ANKRD26: variants seen among roughly 807,000 people sequenced by gnomAD.
The protein encoded by ANKRD26 is ankyrin repeat domain-containing protein 26.
In ANKRD26, 141 loss-of-function variants were observed where a neutral mutation model predicts 208.7. That is an observed-to-expected ratio of 0.68 (90% CI 0.59 to 0.78). ANKRD26 has a LOEUF of 0.78. Among genes scored for constraint, ANKRD26 ranks in the 30% least tolerant of loss-of-function variants. ANKRD26 has a pLI of 0.00. For synonymous variants in ANKRD26, 636 were observed against 660.4 expected (o/e 0.96, Z 0.57); for missense variants, 1,889 against 1,938.7 (o/e 0.97, Z 0.48).
At chr10:27,099,045 C>CAA (rs1417115540) in intron 1 of ANKRD26, among the ~76,000 whole-genome samples, 3 of 152,042 alleles carry the variant, frequency 2.0e-5, no homozygotes, top group African/African-American at 7.2e-5. Flanking sequence ...GGCTGGAGTG[C>CAA]AATGGCACGA....
intron 11 of ANKRD26, among the ~76,000 whole-genome samples, chr10:27,065,928 C>T (rs1001068979): frequency 5.8e-5 from 8 of 137,770 alleles, no homozygotes; most frequent in African/African-American, 1.3e-4. Context: ...TGCAGCAGCG[C>T]GATCTCAGCT....
chr10:27,055,091 T>C (rs1589293558), intron 15 of ANKRD26, among the ~76,000 whole-genome samples: 1 of 152,102 alleles, frequency 6.6e-6, no homozygotes. Context: ...ATATAGAATA[T>C]CAGTACCCAA....
the ANKRD26 span, among the ~76,000 whole-genome samples, chr10:26,954,912 G>T: frequency 2.0e-5 from 3 of 149,882 alleles, no homozygotes; most frequent in African/African-American, 7.4e-5. Context: ...TTGTGGGCGG[G>T]CAGCTATCAA....
chr10:27,022,632 C>A lies in ANKRD26; in HGVS notation c.4141G>T (p.Glu1381Ter). The A allele has an allele frequency of 6.4e-7, 1 of 1,573,786 alleles. No individual in the cohort carries two copies. The highest frequency in any genetic ancestry group is 8.7e-7 in the Non-Finnish European group (1 of 1,148,230). The change falls in exon 29 of 34, where the codon GAA becomes TAA. Residue 1381 changes from glutamate (E) to a stop codon, truncating the protein, a stop_gained. Transcript: ENST00000376087. LOFTEE classifies it high-confidence loss of function. ...TTTAAATCTCCATGGAAACTAAATT[C>A]TCCATTTTCATATTCATTTAACTTC... ...RKKLNEYENG[E>*]FSFHGDLKTS... is the part of the protein sequence containing the mutation.
intron 9 of ANKRD26, among the ~76,000 whole-genome samples, chr10:27,071,881 A>G (rs1339372411): frequency 6.6e-6 from 1 of 152,182 alleles, no homozygotes; most frequent in East Asian, 1.9e-4. Context: ...CGGCATCCCC[A>G]TATACATTGC....
At chr10:26,951,162 G>C in the ANKRD26 span, among the ~76,000 whole-genome samples, 3 of 151,802 alleles carry the variant, frequency 2.0e-5, no homozygotes, top group East Asian at 5.8e-4. Flanking sequence ...TATAAACTCA[G>C]TAACAAATAT....
downstream of ANKRD26, among the ~76,000 whole-genome samples, chr10:27,003,491 C>T (rs546857603): frequency 1.3e-5 from 2 of 152,224 alleles, no homozygotes; most frequent in South Asian, 4.1e-4. Context: ...TGAGTAGTAG[C>T]CAGATATTTA....
intron 4 of ANKRD26, among the ~76,000 whole-genome samples, chr10:27,090,244 G>A (rs775874391): frequency 2.0e-5 from 3 of 151,986 alleles, no homozygotes; most frequent in African/African-American, 4.8e-5. Context: ...TCAGGAGTTC[G>A]AGACCAGCCT....
intron 11 of ANKRD26, 115 bp from the exon 12 acceptor site, chr10:27,064,196 C>A: frequency 1.2e-6 from 1 of 832,444 alleles, no homozygotes. Flanking sequence ...AGCAATTAGG[C>A]TTAAAAATAA....
rs1213628232 is a variant in ANKRD26, at chr10:27,033,243, T to C, written c.3789A>G (p.Leu1263=). The C allele has an allele frequency of 6.2e-7, 1 of 1,611,458 alleles. No homozygotes were observed. The highest frequency in any genetic ancestry group is 1.3e-5 in the African/African-American group (1 of 75,000). Residue 1263 remains leucine, a synonymous_variant, in exon 25 of 34, where the codon TTA becomes TTG. Transcript: ENST00000376087. ...TACATACTTGATTTCTGATTTGACC[T>C]AATTTCTTCTTTAAATCCTGTGTCT... ...EDETQDLKKK[L]GQIRNQLQEA... is the part of the protein sequence containing the mutation.
chr10:27,066,572 T>C, intron 10 of ANKRD26, 24 bp from the exon 11 acceptor site: 1 of 1,498,112 alleles, frequency 6.7e-7, no homozygotes. Context: ...TACACAGATA[T>C]ATTCATGAGA....
intron 32 of ANKRD26, among the ~76,000 whole-genome samples, chr10:27,010,607 T>C (rs1306898037): frequency 6.6e-6 from 1 of 152,142 alleles, no homozygotes; most frequent in African/African-American, 2.4e-5. Flanking sequence ...GTGATTCTCC[T>C]GCCTCAGCCT....
the ANKRD26 span, among the ~76,000 whole-genome samples, chr10:26,959,982 G>A: frequency 1.3e-5 from 2 of 152,016 alleles, no homozygotes; most frequent in African/African-American, 4.8e-5. Context: ...AGCATAGTGA[G>A]ACCTCGTCTC....
intron 12 of ANKRD26, among the ~76,000 whole-genome samples, chr10:27,063,382 G>A (rs1369644982): frequency 3.9e-5 from 6 of 151,904 alleles, no homozygotes; most frequent in Admixed American, 3.3e-4. Context: ...GTGCAGTGAC[G>A]TGATCTCAGC....
intron 5 of ANKRD26, among the ~76,000 whole-genome samples, chr10:27,083,209 T>C (rs2055992369): frequency 6.6e-6 from 1 of 152,158 alleles, no homozygotes; most frequent in Non-Finnish European, 1.5e-5. Context: ...ACATTTCCAC[T>C]ACTCCTGGAA....
chr10:27,062,267 G>A, intron 12 of ANKRD26: 2 of 918,222 alleles, frequency 2.2e-6, no homozygotes, highest in Non-Finnish European at 2.6e-6. Context: ...TTCTCCTCTG[G>A]AAGAAACATG....
chr10:26,999,984 G>A (rs1222384508), downstream of ANKRD26, among the ~76,000 whole-genome samples: 1 of 152,106 alleles, frequency 6.6e-6, no homozygotes, highest in Admixed American at 6.6e-5. Flanking sequence ...GAATTTGCAA[G>A]ACAAACTCCC....
intron 4 of ANKRD26, among the ~76,000 whole-genome samples, chr10:26,981,658 G>A (rs2052310648): frequency 6.6e-6 from 1 of 152,170 alleles, no homozygotes; most frequent in South Asian, 2.1e-4. Context: ...ATACCCAGCG[G>A]GAGTTTCTAA....
chr10:27,057,962 G>C (rs555598466), intron 15 of ANKRD26, among the ~76,000 whole-genome samples: 1 of 149,554 alleles, frequency 6.7e-6, no homozygotes, highest in South Asian at 2.1e-4. Flanking sequence ...AAAAAAGAAA[G>C]AAACAATGAT....
Sources: gnomAD v4.1 joint callset for allele counts (sites outside exome capture counted in the v4.1 genomes callset) on GRCh38, gnomAD v4.1.1 for gene constraint, MANE v1.5 for transcripts, NCBI Gene and HGNC (gene_info 2026-07-23, HGNC 2026-07-21) for gene names.